Variants in ZNF445 observed in about 807,000 individuals in gnomAD.
The protein encoded by ZNF445 is zinc finger protein 168.
ZNF445 carries 19 observed loss-of-function variants against 93.9 expected under a neutral mutation model. The observed-to-expected ratio is 0.20, with a 90% CI of 0.14 to 0.30. The LOEUF is 0.30. ZNF445 is among the 10% of genes least tolerant of loss of function. The probability of loss-of-function intolerance (pLI) is 1.00; values close to 1 mark genes in which losing one functional copy is unlikely to be tolerated. For synonymous variants in ZNF445, 449 were observed against 446.3 expected, an observed-to-expected ratio of 1.01 and a Z score of -0.08; for missense variants, 1,058 against 1,259.4, an observed-to-expected ratio of 0.84 and a Z score of 2.42.
At chr3:44,464,152 ACAG>A in intron 1 of ZNF445, among the ~76,000 whole-genome samples, 1 of 151,318 alleles carries the variant, frequency 6.6e-6, no homozygotes, top group Middle Eastern at 3.5e-3. Context: ...AACAAAAAAA[ACAG>A]CAGCAGCAGC....
chr3:44,465,099 A>G (rs1698176305), intron 1 of ZNF445, among the ~76,000 whole-genome samples: 1 of 150,486 alleles, frequency 6.6e-6, no homozygotes, highest in South Asian at 2.1e-4. Context: ...TCGCTTACTT[A>G]TCAGGTTTTT....
chr3:44,475,637 A>T (rs990766254), intron 1 of ZNF445, among the ~76,000 whole-genome samples: 1 of 152,266 alleles, frequency 6.6e-6, no homozygotes, highest in Non-Finnish European at 1.5e-5. Flanking sequence ...ATGTTCCAGT[A>T]CTGCCTTGAG....
chr3:44,474,530 A>T (rs1197792852), intron 1 of ZNF445, among the ~76,000 whole-genome samples: 2 of 152,178 alleles, frequency 1.3e-5, no homozygotes, highest in Non-Finnish European at 2.9e-5. Flanking sequence ...AACAAAAAAC[A>T]GAACAAACAA....
At chr3:44,456,913 A>C (rs1355082401) in intron 2 of ZNF445, among the ~76,000 whole-genome samples, 3 of 152,190 alleles carry the variant, frequency 2.0e-5, no homozygotes, top group Non-Finnish European at 4.4e-5. Flanking sequence ...GGACTGCTTG[A>C]GGTCAGGAGT....
chr3:44,455,279 T>C lies in ZNF445; in HGVS notation c.271A>G (p.Lys91Glu), dbSNP rs770985921. The C allele has an allele frequency of 6.2e-7, 1 of 1,614,148 alleles. No individual in the cohort carries two copies. Among genetic ancestry groups the C allele is most frequent in the Non-Finnish European group, 8.5e-7 (1 of 1,180,020 alleles). Reference sequence around the variant, plus strand: ...ACCAGCAGCTCTAGGATCTGTGCCTTGGAGAGAACGTCAGGCCTCAGCCAC... The same window carrying C: ...ACCAGCAGCTCTAGGATCTGTGCCTCGGAGAGAACGTCAGGCCTCAGCCAC... ...RWWLRPDVLS[K>E]AQILELLVLE... Residue 91 changes from lysine to glutamate, a missense_variant, in exon 3 of 8, where the codon AAG becomes GAG. Physicochemically the swap from Lys to Glu is moderately conservative, Grantham distance 56 (BLOSUM62 1). Transcript: ENST00000396077.
chr3:44,445,137 C>T lies in ZNF445; in HGVS notation c.*1438G>A, dbSNP rs1370655841. 1 of 152,216 alleles carries T rather than the reference C, an allele frequency of 6.6e-6. No homozygotes were observed. The highest frequency in any genetic ancestry group is 2.4e-5 in the African/African-American group (1 of 41,438). 9.4% of individuals were successfully genotyped at this position (152,216 alleles called of 1,614,324 possible). The stretch of plus-strand genomic sequence containing the variant: ...CTGATTGCTAGCACCAGATCTCATA[C>T]ATGGAGAGGGGTATGTGAAGCTGAG... On this transcript the variant is annotated 3_prime_UTR_variant, in exon 8 of 8. Transcript: ENST00000396077.
chr3:44,475,975 G>T (rs568801211), intron 1 of ZNF445, among the ~76,000 whole-genome samples: 23 of 151,870 alleles, frequency 1.5e-4, no homozygotes, highest in Non-Finnish European at 3.2e-4. Context: ...CTCCAGCCTG[G>T]GCAACAAGAG....
In ZNF445 at chr3:44,448,605, G is replaced by C; in HGVS notation, c.1066C>G (p.Gln356Glu). 1 of 1,614,094 alleles carries C rather than the reference G, an allele frequency of 6.2e-7. No individual in the cohort carries two copies. Among genetic ancestry groups the C allele is most frequent in the Non-Finnish European group, 8.5e-7 (1 of 1,180,044 alleles). Residue 356 changes from glutamine (Q) to glutamate (E), a missense_variant, in exon 8 of 8, where the codon CAA (glutamine) becomes GAA (glutamate). By Grantham distance (29) the Gln-to-Glu change is conservative. Transcript: ENST00000396077. ...TGATCCTTCTGCCTGCTCTTCTGTT[G>C]AAAAGATTCTCTGAGCCCAATTCCC... Reference protein sequence around the residue: ...SEGIGLRESFQQKSRQKDQCE... With the variant: ...SEGIGLRESFEQKSRQKDQCE...
Position 44,434,632 on chromosome 3 carries a change from C to G in ZNF445, c.*11943G>C, listed in dbSNP as rs1465914506. The G allele has an allele frequency of 1.3e-5, 2 of 152,160 alleles. No individual in the cohort carries two copies. The highest frequency in any genetic ancestry group is 2.9e-5 in the Non-Finnish European group (2 of 68,052). The allele number at this position is 152,160 out of a possible 1,614,324, so 9.4% of individuals were successfully genotyped here. On this transcript the variant is annotated 3_prime_UTR_variant, in exon 8 of 8. Coordinates refer to ENST00000396077, the MANE Select transcript of ZNF445 (RefSeq NM_181489.6). ...TTCTCAAAGGACCTGGGAACTAGAT[C>G]ATGAGCTGGGCGGCAGAGTTGAGGC...
chr3:44,467,238 T>C (rs1047432371), intron 1 of ZNF445, among the ~76,000 whole-genome samples: 1 of 152,252 alleles, frequency 6.6e-6, no homozygotes, highest in Non-Finnish European at 1.5e-5. Flanking sequence ...ATTTGGAGCA[T>C]ATTTGTTCCT....
chr3:44,447,836 A>C lies in ZNF445; in HGVS notation c.1835T>G (p.Val612Gly). ...GGTGTGAATCCTTTGATGTTCAAGA[A>C]CATATGACTTACAGTGGAAGGATTT... Reference protein sequence around the residue: ...CRKSFHCKSYVLEHQRIHTQE... With the variant: ...CRKSFHCKSYGLEHQRIHTQE... Residue 612 changes from valine (V) to glycine (G), a missense_variant, in exon 8 of 8, where the codon GTT becomes GGT. Physicochemically the swap from Val to Gly is moderately radical, Grantham distance 109. Around this residue, in one of 3 missense-constraint regions of ZNF445, gnomAD observed 657 missense variants for 746.4 expected, o/e 0.88. Transcript: ENST00000396077. This position sits in a 1 kb window ranked among gnomAD's most constrained non-coding sequence, Gnocchi z 4.7. 1 of 1,614,158 alleles carries C rather than the reference A, an allele frequency of 6.2e-7. No homozygotes were observed. Among genetic ancestry groups the C allele is most frequent in the Non-Finnish European group, 8.5e-7 (1 of 1,180,046 alleles).
intron 3 of ZNF445, among the ~76,000 whole-genome samples, chr3:44,452,357 T>TAAA (rs542459626): frequency 1.4e-5 from 2 of 138,946 alleles, no homozygotes; most frequent in Non-Finnish European, 3.2e-5. Flanking sequence ...AAGGAAGAAT[T>TAAA]AAAAAAAAAA....
Position 44,437,661 on chromosome 3 carries a change from C to T in ZNF445, c.*8914G>A, listed in dbSNP as rs1575302168. ...AACTCCCCTAAGTTGGGCCTCTAAC[C>T]CAATCCCATTTGTTACTCGGGTACC... is the stretch of plus-strand genomic sequence containing the variant. On this transcript the variant is annotated 3_prime_UTR_variant, in exon 8 of 8. Transcript: ENST00000396077. 6.6e-6 allele frequency: 1 copy of T among 152,160 alleles called. No homozygotes were observed. The highest frequency in any genetic ancestry group is 2.4e-5 in the African/African-American group (1 of 41,408). The allele number at this position is 152,160 out of a possible 1,614,324, so 9.4% of individuals were successfully genotyped here. A position where few individuals can be genotyped will look rare whatever the true frequency, so the allele number is the denominator to read the frequency against.
rs1697834318 is a variant in ZNF445 at position 44,443,265 on chromosome 3, T to C, written c.*3310A>G. 2.0e-5 allele frequency: 3 copies of C among 152,338 alleles called. No homozygotes were observed. The South Asian group carries it at 6.2e-4, about 32-fold the overall frequency. The allele number at this position is 152,338 out of a possible 1,614,324, so 9.4% of individuals were successfully genotyped here. A position where few individuals can be genotyped will look rare whatever the true frequency, so the allele number is the denominator to read the frequency against. The stretch of plus-strand genomic sequence containing the variant: ...AAAATCTTTAGTAGTTAGCACCAAG[T>C]AGTCAGGCTTCTACTTTTTTTCCTT... On this transcript the variant is annotated 3_prime_UTR_variant, in exon 8 of 8. Transcript: ENST00000396077.
chr3:44,453,994 C>T (rs1697990491), intron 3 of ZNF445, among the ~76,000 whole-genome samples: 1 of 152,088 alleles, frequency 6.6e-6, no homozygotes, highest in African/African-American at 2.4e-5. Flanking sequence ...TCCCATCTCA[C>T]ACACATAGAA....
chr3:44,434,502 G>A lies in ZNF445; in HGVS notation c.*12073C>T, dbSNP rs752124947. On this transcript the variant is annotated 3_prime_UTR_variant, in exon 8 of 8. Transcript: ENST00000396077. ...TTTCCTACACTGAGTCATATTATGT[G>A]TCTTCCAACATGTCTGGAGCAGTTG... 1.8e-4 allele frequency: 27 copies of A among 152,088 alleles called. No individual in the cohort carries two copies. The highest frequency in any genetic ancestry group is 6.6e-5 in the Admixed American group (1 of 15,244). The allele number at this position is 152,088 out of a possible 1,614,324, so 9.4% of individuals were successfully genotyped here.
chr3:44,458,568 T>C (rs1698063901), intron 1 of ZNF445, among the ~76,000 whole-genome samples: 1 of 152,166 alleles, frequency 6.6e-6, no homozygotes. Flanking sequence ...GCTTTGTCCT[T>C]GATTCCCAAA....
intron 6 of ZNF445, 124 bp from the exon 7 acceptor site, chr3:44,449,747 T>C: frequency 1.4e-6 from 1 of 719,204 alleles, no homozygotes; most frequent in Non-Finnish European, 2.4e-6. Context: ...CAGCAGAAGC[T>C]AGCGAAGGAG....
chr3:44,437,074 A>G lies in ZNF445; in HGVS notation c.*9501T>C, dbSNP rs1374289547. On this transcript the variant is annotated 3_prime_UTR_variant, in exon 8 of 8. Coordinates refer to ENST00000396077, the MANE Select transcript of ZNF445 (RefSeq NM_181489.6). ...CAGCCCCGAGGGCTGCTGGTTGTCT[A>G]TTTTATGGTTTCTTGATGATATGCT... The G allele has an allele frequency of 2.0e-5, 3 of 152,130 alleles. No individual in the cohort carries two copies. The East Asian group carries it at 5.8e-4, about 29-fold the overall frequency. The allele number at this position is 152,130 out of a possible 1,614,324, so 9.4% of individuals were successfully genotyped here. A position where few individuals can be genotyped will look rare whatever the true frequency, so the allele number is the denominator to read the frequency against.
Sources: allele counts gnomAD v4.1 joint callset (sites outside exome capture counted in the v4.1 genomes callset), GRCh38; gene constraint gnomAD v4.1.1; regional missense constraint gnomAD v4.1.1; non-coding constraint Gnocchi (gnomAD v3.1); transcripts MANE v1.5; gene names NCBI Gene and HGNC (gene_info 2026-07-23, HGNC 2026-07-21).